The following OTUD7A variants were observed in gnomAD, a reference collection of about 807,000 sequenced individuals.
The protein encoded by OTUD7A is OTU deubiquitinase 7A.
Under a neutral mutation model 65.7 loss-of-function variants are expected in OTUD7A, and 12 were observed. The ratio of observed to expected loss-of-function variants is 0.18; its 90% CI spans 0.12 to 0.30. The LOEUF (loss-of-function observed/expected upper bound fraction) is 0.30, where lower values mean the gene tolerates loss of function less well. Among genes scored for constraint, OTUD7A ranks in the 10% least tolerant of loss-of-function variants. OTUD7A has a pLI of 1.00. For synonymous variants in OTUD7A, 641 were observed against 586.3 expected (o/e 1.09, Z -1.35); for missense variants, 1,148 against 1,304.8 (o/e 0.88, Z 1.85).
chr15:31,523,146 T>G (rs559719153), intron 8 of OTUD7A, among the ~76,000 whole-genome samples: 2 of 152,248 alleles, frequency 1.3e-5, no homozygotes, highest in African/African-American at 4.8e-5. Flanking sequence ...CTGGTTACTT[T>G]CCTGTGCAGG....
intron 1 of OTUD7A, among the ~76,000 whole-genome samples, chr15:31,674,492 T>C (rs1430321220): frequency 2.6e-5 from 4 of 152,242 alleles, no homozygotes; most frequent in Admixed American, 6.5e-5. Flanking sequence ...GTCCACTGCA[T>C]ACCCTTGCAC....
intron 3 of OTUD7A, among the ~76,000 whole-genome samples, chr15:31,645,993 G>A (rs144599719): frequency 1.4e-4 from 21 of 152,326 alleles, no homozygotes; most frequent in African/African-American, 4.8e-4. Flanking sequence ...TTCTTAATAT[G>A]CAGCAGCCTC....
intron 1 of OTUD7A, among the ~76,000 whole-genome samples, chr15:31,788,711 T>C (rs1469617158): frequency 1.3e-5 from 2 of 152,002 alleles, no homozygotes; most frequent in East Asian, 1.9e-4. Context: ...TTTATAAACA[T>C]TGCAGCAATG....
intron 1 of OTUD7A, among the ~76,000 whole-genome samples, chr15:31,765,281 T>C (rs938100592): frequency 5.3e-5 from 8 of 151,978 alleles, no homozygotes; most frequent in Non-Finnish European, 7.4e-5. Context: ...TATAGAAGAG[T>C]GCAACATTTG....
At chr15:31,581,332 T>C (rs886137989) in intron 3 of OTUD7A, among the ~76,000 whole-genome samples, 31 of 152,198 alleles carry the variant, frequency 2.0e-4, no homozygotes, top group African/African-American at 6.3e-4. Flanking sequence ...GTGCAAGCTG[T>C]TGGTGGATCT....
chr15:31,644,738 C>G (rs1047613410), intron 3 of OTUD7A, among the ~76,000 whole-genome samples: 361 of 152,262 alleles, frequency 2.4e-3, no homozygotes, highest in Non-Finnish European at 4.4e-3. Flanking sequence ...CTTGGCCTCC[C>G]AAAGTGTTGG....
Position 31,526,373 on chromosome 15 carries a change from C to T in OTUD7A, c.869G>A (p.Ser290Asn). 1.2e-6 allele frequency: 2 copies of T among 1,600,572 alleles called. No homozygotes were observed. Among genetic ancestry groups the T allele is most frequent in the Non-Finnish European group, 1.7e-6 (2 of 1,178,082 alleles). ...LASSEPRTHF[S>N]KNGGTGGGVD... ...CCCCCCGCCCGTGCCGCCATTCTTG[C>T]TGAAGTGTGTGCGCGGCTCGCTGGA... The change falls in exon 8 of 13, where the codon AGC (serine) becomes AAC (asparagine). Residue 290 changes from serine to asparagine, a missense_variant. Coordinates refer to ENST00000307050, the MANE Select transcript of OTUD7A (RefSeq NM_001382637.1).
At chr15:31,799,278 T>C (rs17684603) in intron 1 of OTUD7A, among the ~76,000 whole-genome samples, 15,131 of 152,204 alleles carry the variant, frequency 0.099, 1,210 homozygotes, top group East Asian at 0.45. Flanking sequence ...TAACACAGTT[T>C]CATTCTCAGT....
intron 5 of OTUD7A, among the ~76,000 whole-genome samples, chr15:31,535,676 T>G (rs1175298787): frequency 1.6e-5 from 1 of 61,886 alleles, no homozygotes; most frequent in Non-Finnish European, 2.9e-5. Context: ...CTGTTTTTGT[T>G]TTTTTTTTTT....
intron 1 of OTUD7A, among the ~76,000 whole-genome samples, chr15:31,820,764 T>C (rs1431139352): frequency 2.0e-5 from 3 of 152,228 alleles, no homozygotes; most frequent in Admixed American, 6.5e-5. Context: ...TTTTTTCAAT[T>C]TGTAAATTTT....
intron 1 of OTUD7A, among the ~76,000 whole-genome samples, chr15:31,799,237 C>T (rs1032165772): frequency 5.9e-5 from 9 of 152,250 alleles, no homozygotes; most frequent in Non-Finnish European, 7.4e-5. Context: ...GAGATGGCTG[C>T]GTCTCCTTAA....
At chr15:31,525,840 A>G (rs1383156689) in intron 8 of OTUD7A, among the ~76,000 whole-genome samples, 1 of 152,228 alleles carries the variant, frequency 6.6e-6, no homozygotes, top group East Asian at 1.9e-4. Context: ...GGGAACACAT[A>G]TAATATCCAT....
chr15:31,537,535 C>T (rs1887844967), intron 5 of OTUD7A, among the ~76,000 whole-genome samples: 2 of 152,258 alleles, frequency 1.3e-5, no homozygotes, highest in Non-Finnish European at 2.9e-5. Flanking sequence ...CCGTTGTGGA[C>T]GTCATTGGAA....
rs910431885 is a variant in OTUD7A, at chr15:31,475,828, G to A, written c.*7466C>T. ...GCCTCAGTGTTTTCCTTTGTCCACA[G>A]TAATCAAAGAAAATGGGAGAAATAA... On this transcript the variant is annotated 3_prime_UTR_variant, in exon 13 of 13. Transcript: ENST00000307050. 3 of 152,118 alleles carry A rather than the reference G, an allele frequency of 2.0e-5. No homozygotes were observed. The highest frequency in any genetic ancestry group is 1.3e-4 in the Admixed American group (2 of 15,268). 9.4% of individuals were successfully genotyped at this position (152,118 alleles called of 1,614,324 possible).
chr15:31,864,620 T>C (rs918302136), intron 1 of OTUD7A, among the ~76,000 whole-genome samples: 3 of 152,108 alleles, frequency 2.0e-5, no homozygotes, highest in Non-Finnish European at 4.4e-5. Context: ...CCACAACACA[T>C]GGAAGTTCTG....
intron 1 of OTUD7A, among the ~76,000 whole-genome samples, chr15:31,699,041 G>A (rs1316659830): frequency 1.3e-5 from 2 of 151,436 alleles, no homozygotes; most frequent in East Asian, 1.9e-4. Flanking sequence ...GCTGAAGTAC[G>A]AGACATTCTG....
At chr15:31,849,250 A>G (rs1897362272) in intron 1 of OTUD7A, among the ~76,000 whole-genome samples, 1 of 152,192 alleles carries the variant, frequency 6.6e-6, no homozygotes. Context: ...ATAATACCAC[A>G]CATCTACAAC....
At chr15:31,797,385 G>A (rs180869212) in intron 1 of OTUD7A, among the ~76,000 whole-genome samples, 2 of 152,330 alleles carry the variant, frequency 1.3e-5, no homozygotes, top group East Asian at 3.9e-4. Flanking sequence ...TATTGGCAGT[G>A]AAGGGAATGT....
intron 3 of OTUD7A, chr15:31,649,538 T>A (rs1891774565): frequency 6.2e-6 from 1 of 161,910 alleles, no homozygotes; most frequent in African/African-American, 2.4e-5. Context: ...ATTACTGACA[T>A]CCTCCCAATA....
Sources: allele counts gnomAD v4.1 joint callset (sites outside exome capture counted in the v4.1 genomes callset), GRCh38; gene constraint gnomAD v4.1.1; transcripts MANE v1.5; gene names NCBI Gene and HGNC (gene_info 2026-07-23, HGNC 2026-07-21).